The following KCNH8 variants were observed in gnomAD, a reference collection of about 807,000 sequenced individuals.
The protein encoded by KCNH8 is voltage-gated delayed rectifier potassium channel KCNH8.
Under a neutral mutation model 103.6 loss-of-function variants are expected in KCNH8, and 70 were observed. That is an observed-to-expected ratio of 0.68 (90% CI 0.56 to 0.82). The LOEUF is 0.82. Ranked by LOEUF, KCNH8 falls within the 40% of genes least tolerant of loss-of-function variation. The pLI is 0.00. For synonymous variants in KCNH8, 498 were observed against 489.4 expected (o/e 1.02, Z -0.23); for missense variants, 1,217 against 1,329.9 (o/e 0.92, Z 1.32).
intron 15 of KCNH8, among the ~76,000 whole-genome samples, chr3:19,520,707 T>G (rs796562090): frequency 1.2e-3 from 176 of 152,050 alleles, no homozygotes; most frequent in African/African-American, 4.0e-3. Flanking sequence ...AAATGTGGGA[T>G]GCACTGCATG....
chr3:19,372,549 G>A (rs1233067253), intron 5 of KCNH8, among the ~76,000 whole-genome samples: 3 of 152,180 alleles, frequency 2.0e-5, no homozygotes, highest in East Asian at 1.9e-4. Flanking sequence ...CAATCATGTC[G>A]TCTGCAAACA....
At chr3:19,281,858 A>T (rs1180655702) in intron 3 of KCNH8, among the ~76,000 whole-genome samples, 1 of 152,120 alleles carries the variant, frequency 6.6e-6, no homozygotes, top group Non-Finnish European at 1.5e-5. Context: ...GACATAAACA[A>T]GCTTTTCAGT....
chr3:19,533,809 A>T lies in KCNH8; in HGVS notation c.3034A>T (p.Ile1012Phe). 1.2e-6 allele frequency: 2 copies of T among 1,614,200 alleles called. No homozygotes were observed. Among genetic ancestry groups the T allele is most frequent in the Non-Finnish European group, 8.5e-7 (1 of 1,180,032 alleles). Residue 1012 changes from isoleucine (I) to phenylalanine (F), a missense_variant, in exon 16 of 16, where the codon ATC (isoleucine) becomes TTC (phenylalanine). Coordinates refer to ENST00000328405, the MANE Select transcript of KCNH8 (RefSeq NM_144633.3). ...AGGTCATTTGCAATTTTTAAGGTGC[A>T]TCTCTCCACATTCAGATTCTACGTT... ...QEGHLQFLRC[I>F]SPHSDSTLTP... is the part of the protein sequence containing the mutation.
At chr3:19,261,881 G>C (rs1211633014) in intron 2 of KCNH8, among the ~76,000 whole-genome samples, 1 of 151,634 alleles carries the variant, frequency 6.6e-6, no homozygotes, top group African/African-American at 2.4e-5. Context: ...TTATCCTCTT[G>C]TGTCTTTTTG....
intron 2 of KCNH8, 93 bp from the exon 3 acceptor site, chr3:19,281,105 C>CT (rs1218241910): frequency 7.3e-7 from 1 of 1,366,870 alleles, no homozygotes; most frequent in Non-Finnish European, 1.0e-6. Context: ...GAAGAAAACA[C>CT]TAAGGGCTTT....
At position 19,450,184 on chromosome 3, in the gene KCNH8, C is replaced by A. The variant is rs2067425556; in HGVS notation, c.1454C>A (p.Thr485Asn). 1 of 1,613,470 alleles carries A rather than the reference C, an allele frequency of 6.2e-7. No homozygotes were observed. The highest frequency in any genetic ancestry group is 8.5e-7 in the Non-Finnish European group (1 of 1,179,682). Residue 485 changes from threonine to asparagine, a missense_variant, in exon 9 of 16, where the codon ACT (threonine) becomes AAT (asparagine). Physicochemically the swap from Thr to Asn is moderately conservative, Grantham distance 65. Coordinates refer to ENST00000328405, the MANE Select transcript of KCNH8 (RefSeq NM_144633.3). ...RMYSRWSLYH[T>N]RTKDLKDFIR... ...TACTCCAGATGGTCCCTCTATCACA[C>A]TAGAACTAAGGATCTGAAAGATTTC...
chr3:19,174,864 G>C (rs2063382526), intron 1 of KCNH8, among the ~76,000 whole-genome samples: 1 of 152,132 alleles, frequency 6.6e-6, no homozygotes, highest in African/African-American at 2.4e-5. Context: ...AGGAATATTT[G>C]AGTCCATCCA....
rs2065661083 is a variant in KCNH8, at chr3:19,341,637, A to C, written c.443-950A>C. ...AAATAAATTTAAAAACACTACTTTGATTCTAAAATTGACAAAAATGAATAG... is the reference window on the plus strand; with the variant it reads ...AAATAAATTTAAAAACACTACTTTGCTTCTAAAATTGACAAAAATGAATAG... On this transcript the variant is annotated intron_variant, in intron 3 of 15. Transcript: ENST00000328405. Among the ~76,000 whole-genome samples, 3 of 152,308 alleles carry C rather than the reference A, an allele frequency of 2.0e-5. No individual in the cohort carries two copies. The South Asian group carries it at 6.2e-4, about 32-fold the overall frequency.
intron 7 of KCNH8, among the ~76,000 whole-genome samples, chr3:19,418,624 G>A (rs2066897763): frequency 6.6e-6 from 1 of 152,158 alleles, no homozygotes; most frequent in Non-Finnish European, 1.5e-5. Context: ...TGAAAAAAAT[G>A]GATAATACCA....
chr3:19,505,029 GTATA>G (rs892923993), intron 11 of KCNH8, among the ~76,000 whole-genome samples: 1 of 149,338 alleles, frequency 6.7e-6, no homozygotes, highest in East Asian at 2.0e-4. Context: ...ATATGTATGT[GTATA>G]TATATACACT....
chr3:19,456,709 G>A (rs2067537142), intron 10 of KCNH8, 59 bp from the exon 11 acceptor site: 1 of 1,089,128 alleles, frequency 9.2e-7, no homozygotes, highest in African/African-American at 1.6e-5. Flanking sequence ...AGTCAAATGA[G>A]GTTATCAGTC....
intron 1 of KCNH8, among the ~76,000 whole-genome samples, chr3:19,232,072 T>C (rs1418912062): frequency 6.6e-6 from 1 of 152,222 alleles, no homozygotes; most frequent in Non-Finnish European, 1.5e-5. Context: ...TGCTGTATCT[T>C]GATTGGAATG....
At chr3:19,492,192 G>A (rs963190243) in intron 11 of KCNH8, among the ~76,000 whole-genome samples, 2 of 152,078 alleles carry the variant, frequency 1.3e-5, no homozygotes, top group Admixed American at 6.6e-5. Flanking sequence ...GATCGGACTT[G>A]TCATTTTTTG....
At chr3:19,351,941 CA>C (rs1158521148) in intron 5 of KCNH8, among the ~76,000 whole-genome samples, 7 of 152,036 alleles carry the variant, frequency 4.6e-5, no homozygotes, top group African/African-American at 1.7e-4. Context: ...CACAGACTGG[CA>C]AATTGGATAA....
At chr3:19,408,474 ACCAAAG>A (rs2066727940) in intron 7 of KCNH8, among the ~76,000 whole-genome samples, 1 of 152,118 alleles carries the variant, frequency 6.6e-6, no homozygotes, top group East Asian at 1.9e-4. Flanking sequence ...TAGTGACACC[ACCAAAG>A]GACTGCACTA....
chr3:19,410,740 C>G (rs2066763995), intron 7 of KCNH8, among the ~76,000 whole-genome samples: 1 of 151,764 alleles, frequency 6.6e-6, no homozygotes, highest in African/African-American at 2.4e-5. Flanking sequence ...CCTCTGTGGA[C>G]ACAAACTAAA....
chr3:19,294,889 G>A (rs1559463860), intron 3 of KCNH8, among the ~76,000 whole-genome samples: 2 of 152,166 alleles, frequency 1.3e-5, no homozygotes, highest in East Asian at 1.9e-4. Context: ...CTCGTGGATT[G>A]CATTCGTTCT....
At chr3:19,214,576 C>T (rs1180724007) in intron 1 of KCNH8, among the ~76,000 whole-genome samples, 2 of 152,194 alleles carry the variant, frequency 1.3e-5, no homozygotes, top group African/African-American at 4.8e-5. Flanking sequence ...CAGGCCAAGG[C>T]TAAACTTTAC....
intron 1 of KCNH8, among the ~76,000 whole-genome samples, chr3:19,161,081 A>G (rs2063229554): frequency 6.6e-6 from 1 of 152,166 alleles, no homozygotes; most frequent in African/African-American, 2.4e-5. Context: ...TGAAATTGTG[A>G]TGGGAAAAAA....
Sources: allele counts gnomAD v4.1 joint callset (sites outside exome capture counted in the v4.1 genomes callset), GRCh38; gene constraint gnomAD v4.1.1; transcripts MANE v1.5; gene names NCBI Gene and HGNC (gene_info 2026-07-23, HGNC 2026-07-21).